Variants in NCAN observed in about 807,000 individuals in gnomAD.
NCAN encodes the protein neurocan core protein.
In NCAN, 47 loss-of-function variants were observed where a neutral mutation model predicts 121.8. That is an observed-to-expected ratio of 0.39 (90% CI 0.31 to 0.49). The LOEUF (loss-of-function observed/expected upper bound fraction) is 0.49, where lower values mean the gene tolerates loss of function less well. Ranked by LOEUF, NCAN falls within the 20% of genes least tolerant of loss-of-function variation. The pLI is 0.92. For missense variants in NCAN, 1,517 were observed against 1,773.4 expected (o/e 0.86, Z 2.60); for synonymous variants, 633 against 702.0 (o/e 0.90, Z 1.55).
At position 19,250,039 on chromosome 19, in the gene NCAN, C is replaced by A; in HGVS notation, c.*128C>A. The A allele has an allele frequency of 1.0e-6, 1 of 955,172 alleles. No homozygotes were observed. Among genetic ancestry groups the A allele is most frequent in the Non-Finnish European group, 1.6e-6 (1 of 607,114 alleles). The allele number at this position is 955,172 out of a possible 1,614,324, so 59.2% of individuals were successfully genotyped here. A position where few individuals can be genotyped will look rare whatever the true frequency, so the allele number is the denominator to read the frequency against. Reference sequence around the variant, plus strand: ...TGAACCCCAAACCACATCCCCCACACACATAATCCTTTGTACAAAGCTCCT... The same window carrying A: ...TGAACCCCAAACCACATCCCCCACAAACATAATCCTTTGTACAAAGCTCCT... On this transcript the variant is annotated 3_prime_UTR_variant, in exon 15 of 15. Transcript: ENST00000252575.
chr19:19,213,153 G>A (rs2146533084), intron 1 of NCAN, among the ~76,000 whole-genome samples: 1 of 152,314 alleles, frequency 6.6e-6, no homozygotes, highest in Admixed American at 6.5e-5. Context: ...CAGGCAGGAA[G>A]GGGTGGGTGC....
At position 19,249,016 on chromosome 19, in the gene NCAN, C is replaced by T. The variant is rs1246870983; in HGVS notation, c.3820+134C>T. The T allele has an allele frequency of 4.6e-6, 4 of 871,182 alleles. 1 individual carries two copies. The highest frequency in any genetic ancestry group is 7.1e-6 in the Non-Finnish European group (4 of 562,650). The allele number at this position is 871,182 out of a possible 1,614,324, so 54.0% of individuals were successfully genotyped here. ...ATACAGCCTTGCAGATAAGTGAGAACTTACCAGCCTGTCTGATGTTTCCTT... is the reference window on the plus strand; with the variant it reads ...ATACAGCCTTGCAGATAAGTGAGAATTTACCAGCCTGTCTGATGTTTCCTT... On this transcript the variant is annotated intron_variant, in intron 14 of 14. Transcript: ENST00000252575.
chr19:19,220,450 CTTTTTT>C (rs71170607), intron 3 of NCAN, among the ~76,000 whole-genome samples: 11 of 72,696 alleles, frequency 1.5e-4, no homozygotes, highest in East Asian at 8.8e-4. Flanking sequence ...TTAGGCAATT[CTTTTTT>C]TTTTTTTTTT....
chr19:19,234,404 TA>T (rs1237730156), intron 9 of NCAN, among the ~76,000 whole-genome samples: 1 of 152,204 alleles, frequency 6.6e-6, no homozygotes, highest in Non-Finnish European at 1.5e-5. Flanking sequence ...ATTATAACAA[TA>T]AATATAAATG....
chr19:19,233,639 G>T, intron 8 of NCAN, 150 bp from the exon 9 acceptor site: 2 of 599,546 alleles, frequency 3.3e-6, no homozygotes, highest in East Asian at 5.3e-5. Flanking sequence ...TCATATGGGA[G>T]GGAGTTGGTG....
chr19:19,223,904 G>A, intron 3 of NCAN, 117 bp from the exon 4 acceptor site: 2 of 1,048,238 alleles, frequency 1.9e-6, no homozygotes, highest in Non-Finnish European at 1.3e-6. Context: ...CACTGTGCCT[G>A]GCGCTAGGTC....
rs1343257520 is a variant in NCAN at position 19,251,508 on chromosome 19, G to T, written c.*1597G>T. 1 of 152,102 alleles carries T rather than the reference G, an allele frequency of 6.6e-6. No individual in the cohort carries two copies. The highest frequency in any genetic ancestry group is 2.4e-5 in the African/African-American group (1 of 41,396). The allele number at this position is 152,102 out of a possible 1,614,324, so 9.4% of individuals were successfully genotyped here. A position where few individuals can be genotyped will look rare whatever the true frequency, so the allele number is the denominator to read the frequency against. On this transcript the variant is annotated 3_prime_UTR_variant, in exon 15 of 15. Coordinates refer to ENST00000252575, the MANE Select transcript of NCAN (RefSeq NM_004386.3). Reference sequence around the variant, plus strand: ...GACAGGAGTAAGGATTTGGAATAAGGATTTGGTCCTGTTTTCTGGACCAAA... The same window carrying T: ...GACAGGAGTAAGGATTTGGAATAAGTATTTGGTCCTGTTTTCTGGACCAAA...
At chr19:19,248,430 G>A (rs1215103485) in intron 13 of NCAN, among the ~76,000 whole-genome samples, 2 of 152,104 alleles carry the variant, frequency 1.3e-5, no homozygotes, top group African/African-American at 4.8e-5. Context: ...GGGAGACAGA[G>A]TGAGACCCTG....
At chr19:19,215,718 G>A (rs574572857) in intron 1 of NCAN, among the ~76,000 whole-genome samples, 21 of 152,250 alleles carry the variant, frequency 1.4e-4, no homozygotes, top group African/African-American at 4.1e-4. Flanking sequence ...TTGAAGCTGC[G>A]AATCGTGTCA....
rs771906016 is a variant in NCAN, at chr19:19,228,182, C to T, written c.2562C>T (p.Ala854=). The T allele has an allele frequency of 1.5e-5, 25 of 1,613,726 alleles. No homozygotes were observed. In the East Asian group the frequency reaches 2.4e-4, roughly 16 times the overall value. The change falls in exon 8 of 15, where the codon GCC becomes GCT. Residue 854 remains alanine, a synonymous_variant. Coordinates refer to ENST00000252575, the MANE Select transcript of NCAN (RefSeq NM_004386.3). ...CTGGATCCCAGGTGTTTGAAGAAGC[C>T]GAAAGCACCACCTTGAGCCCTCAGG... ...WEPGSQVFEE[A]ESTTLSPQVA... is the part of the protein sequence containing the mutation.
chr19:19,249,852 A>G lies in NCAN; in HGVS notation c.3907A>G (p.Arg1303Gly). ...CCACCACAAATCCCGCAAGGAGCGC[A>G]GAAAACACAAGAAACACCCAACGGA... is the stretch of plus-strand genomic sequence containing the variant. Reference protein sequence around the residue: ...HHHHKSRKERRKHKKHPTEDW... With the variant: ...HHHHKSRKERGKHKKHPTEDW... The change falls in exon 15 of 15, where the codon AGA (arginine) becomes GGA (glycine). Residue 1303 changes from arginine (R) to glycine (G), a missense_variant. Arg to Gly is a moderately radical substitution (Grantham distance 125). Transcript: ENST00000252575. 6.2e-7 allele frequency: 1 copy of G among 1,614,132 alleles called. No homozygotes were observed. Among genetic ancestry groups the G allele is most frequent in the Non-Finnish European group, 8.5e-7 (1 of 1,180,008 alleles).
chr19:19,242,638 G>A (rs2060907949), intron 12 of NCAN, among the ~76,000 whole-genome samples: 2 of 146,666 alleles, frequency 1.4e-5, no homozygotes, highest in South Asian at 4.4e-4. Context: ...GCAGTGAGCC[G>A]AGATCGCGTC....
At chr19:19,233,706 G>T (rs2060870027) in intron 8 of NCAN, 83 bp from the exon 9 acceptor site, 2 of 854,072 alleles carry the variant, frequency 2.3e-6, no homozygotes, top group South Asian at 2.8e-5. Flanking sequence ...GATTAGAGTG[G>T]TTTGGGGGCC....
At chr19:19,233,662 G>A (rs2060869940) in intron 8 of NCAN, 127 bp from the exon 9 acceptor site, 6 of 640,634 alleles carry the variant, frequency 9.4e-6, no homozygotes, top group Non-Finnish European at 1.4e-5. Context: ...CGCTGGTTGG[G>A]GAAGTTATAA....
intron 13 of NCAN, among the ~76,000 whole-genome samples, chr19:19,247,292 C>T (rs1212574048): frequency 1.3e-5 from 2 of 151,832 alleles, no homozygotes; most frequent in African/African-American, 2.4e-5. Context: ...CTTGCTCTGT[C>T]GCCCAGGCTG....
In NCAN at chr19:19,226,795, G is replaced by T. The variant is rs571657056; in HGVS notation, c.1382G>T (p.Gly461Val). The T allele has an allele frequency of 5.0e-6, 8 of 1,613,394 alleles. No individual in the cohort carries two copies. The South Asian group carries it at 8.8e-5, about 18-fold the overall frequency. Residue 461 changes from glycine to valine, a missense_variant, in exon 7 of 15, where the codon GGC becomes GTC. Coordinates refer to ENST00000252575, the MANE Select transcript of NCAN (RefSeq NM_004386.3). ...CCCAGCCCTAGCGACATGGGGGCAG[G>T]CACTGCAGCAAGTTCACACACGGAG... ...VAPSPSDMGA[G>V]TAASSHTEVA...
At position 19,227,806 on chromosome 19, in the gene NCAN, C is replaced by G; in HGVS notation, c.2186C>G (p.Ser729Cys). 3 of 1,613,716 alleles carry G rather than the reference C, an allele frequency of 1.9e-6. No individual in the cohort carries two copies. Among genetic ancestry groups the G allele is most frequent in the Non-Finnish European group, 2.5e-6 (3 of 1,180,032 alleles). Residue 729 changes from serine to cysteine, a missense_variant, in exon 8 of 15, where the codon TCT (serine) becomes TGT (cysteine). Ser to Cys is a moderately radical substitution (Grantham distance 112, BLOSUM62 -1). Coordinates refer to ENST00000252575, the MANE Select transcript of NCAN (RefSeq NM_004386.3). This position sits in a 1 kb window ranked among gnomAD's most constrained non-coding sequence, Gnocchi z 4.2. Reference protein sequence around the residue: ...AEHSSSSPWPSVNRNVAVGFV... With the variant: ...AEHSSSSPWPCVNRNVAVGFV... ...CACTCCAGCTCCAGCCCATGGCCTT[C>G]TGTAAACAGGAATGTGGCTGTAGGT...
chr19:19,237,032 A>G (rs1368297626), intron 10 of NCAN, among the ~76,000 whole-genome samples: 9 of 151,274 alleles, frequency 5.9e-5, no homozygotes, highest in African/African-American at 1.2e-4. Context: ...TTGTGCCTCA[A>G]TCTCCCCAGT....
chr19:19,233,747 C>A (rs1283827775), intron 8 of NCAN, 42 bp from the exon 9 acceptor site: 9 of 1,302,756 alleles, frequency 6.9e-6, no homozygotes, highest in Non-Finnish European at 1.0e-5. Flanking sequence ...GGCAAAAGAT[C>A]TGTGGCCTGA....
Sources: allele counts gnomAD v4.1 joint callset (sites outside exome capture counted in the v4.1 genomes callset), GRCh38; gene constraint gnomAD v4.1.1; non-coding constraint Gnocchi (gnomAD v3.1); transcripts MANE v1.5; gene names NCBI Gene and HGNC (gene_info 2026-07-23, HGNC 2026-07-21).